The following ARPP21 variants were observed in gnomAD, a reference collection of about 807,000 sequenced individuals.
The protein encoded by ARPP21 is cAMP-regulated phosphoprotein 21.
ARPP21 carries 69 observed loss-of-function variants against 113.2 expected under a neutral mutation model. That is an observed-to-expected ratio of 0.61 (90% CI 0.50 to 0.74). The LOEUF is 0.74. ARPP21 is among the 30% of genes least tolerant of loss of function. ARPP21 has a pLI of 0.00. For missense variants in ARPP21, 1,070 were observed against 1,037.4 expected (o/e 1.03, Z -0.43); for synonymous variants, 368 against 375.5 (o/e 0.98, Z 0.23).
chr3:35,785,173 T>A (rs2096603423), intron 19 of ARPP21: 1 of 152,212 alleles, frequency 6.6e-6, no homozygotes, highest in Non-Finnish European at 1.5e-5. Context: ...AGTAGTTTGC[T>A]GCCTCCCAGC....
intron 11 of ARPP21, among the ~76,000 whole-genome samples, chr3:35,712,094 A>T (rs566207757): frequency 6.6e-6 from 1 of 152,304 alleles, no homozygotes; most frequent in East Asian, 1.9e-4. Context: ...ACCCTCATCT[A>T]GTACTTCCAG....
intron 12 of ARPP21, 66 bp from the exon 13 acceptor site, chr3:35,717,232 A>G (rs2092535514): frequency 1.1e-6 from 1 of 876,226 alleles, no homozygotes; most frequent in Non-Finnish European, 2.0e-6. Context: ...GTACACATCC[A>G]TGTAAACACA....
chr3:35,754,685 G>A (rs918344000), intron 19 of ARPP21, among the ~76,000 whole-genome samples: 3 of 151,768 alleles, frequency 2.0e-5, no homozygotes, highest in Non-Finnish European at 4.4e-5. Flanking sequence ...TCCCAAAAAC[G>A]GTATAGATGG....
intron 19 of ARPP21, among the ~76,000 whole-genome samples, chr3:35,763,715 G>A (rs2095858408): frequency 6.6e-6 from 1 of 152,152 alleles, no homozygotes; most frequent in Non-Finnish European, 1.5e-5. Flanking sequence ...CGGCAGTTTA[G>A]ATGTCTGGGT....
chr3:35,667,963 GAAGAAGAAGAAGAA>G (rs2075105818), intron 1 of ARPP21, among the ~76,000 whole-genome samples: 2 of 84,248 alleles, frequency 2.4e-5, no homozygotes, highest in African/African-American at 9.3e-5. Flanking sequence ...AGAAGAAGAA[GAAGAAGAAGAAGAA>G]GAAGAAGAAG....
At chr3:35,778,980 T>A (rs904577822) in intron 19 of ARPP21, among the ~76,000 whole-genome samples, 1 of 152,360 alleles carries the variant, frequency 6.6e-6, no homozygotes, top group Admixed American at 6.5e-5. Flanking sequence ...ACTACTAATA[T>A]GTATTTCTAA....
At position 35,644,531 on chromosome 3, in the gene ARPP21, T is replaced by C. The variant is rs533106798; in HGVS notation, c.-213+4133T>C. On this transcript the variant is annotated intron_variant, in intron 1 of 20. Coordinates refer to ENST00000684406, the MANE Select transcript of ARPP21 (RefSeq NM_001385562.1). ...CTCAAAATCTGTGGTCTGAAGATAT[T>C]TTCTTTAGGCATGACATGCTCATAT... Among the ~76,000 whole-genome samples, 3 of 152,096 alleles carry C rather than the reference T, an allele frequency of 2.0e-5. No individual in the cohort carries two copies. The East Asian group carries it at 5.8e-4, about 29-fold the overall frequency.
At chr3:35,788,148 T>A (rs948161547) in intron 19 of ARPP21, among the ~76,000 whole-genome samples, 1 of 152,158 alleles carries the variant, frequency 6.6e-6, no homozygotes, top group Non-Finnish European at 1.5e-5. Context: ...TACTGTAAAG[T>A]GGCAAAATGC....
chr3:35,707,500 G>A (rs1002280797), intron 10 of ARPP21: 8 of 461,372 alleles, frequency 1.7e-5, no homozygotes, highest in East Asian at 1.4e-4. Context: ...AATACGGACC[G>A]ATGATCAACC....
intron 19 of ARPP21, 77 bp downstream of exon 19, chr3:35,744,042 G>A (rs2094852311): frequency 6.7e-7 from 1 of 1,497,300 alleles, no homozygotes; most frequent in South Asian, 1.2e-5. Context: ...TTGGATGAGT[G>A]TCCAAGCTTG....
chr3:35,754,535 T>C (rs572477658), intron 19 of ARPP21, among the ~76,000 whole-genome samples: 1 of 152,124 alleles, frequency 6.6e-6, no homozygotes, highest in South Asian at 2.1e-4. Flanking sequence ...TGTTCATGTG[T>C]TTCTTTCATT....
intron 5 of ARPP21, chr3:35,684,152 A>T (rs945752739): frequency 7.1e-7 from 1 of 1,418,398 alleles, no homozygotes; most frequent in Non-Finnish European, 9.3e-7. Context: ...ATATAATCCC[A>T]AGTATCCTCT....
At chr3:35,750,404 A>G (rs1291274917) in intron 19 of ARPP21, among the ~76,000 whole-genome samples, 1 of 151,864 alleles carries the variant, frequency 6.6e-6, no homozygotes, top group Non-Finnish European at 1.5e-5. Flanking sequence ...CTGATTCTTG[A>G]TTGATTCTGT....
intron 19 of ARPP21, among the ~76,000 whole-genome samples, chr3:35,785,423 G>A (rs2096609941): frequency 6.6e-6 from 1 of 152,052 alleles, no homozygotes; most frequent in Non-Finnish European, 1.5e-5. Flanking sequence ...ATTCAATGCT[G>A]GCTTCCCTTG....
At chr3:35,702,155 A>T (rs1194609693) in intron 9 of ARPP21, among the ~76,000 whole-genome samples, 1 of 151,736 alleles carries the variant, frequency 6.6e-6, no homozygotes, top group Non-Finnish European at 1.5e-5. Flanking sequence ...TACTCCTAGC[A>T]TTATTATTCT....
chr3:35,653,987 T>G (rs773604903), intron 1 of ARPP21, among the ~76,000 whole-genome samples: 8 of 151,904 alleles, frequency 5.3e-5, no homozygotes, highest in Non-Finnish European at 1.2e-4. Context: ...GATATATAAT[T>G]AAGTAAAAAA....
rs1480500324 is a variant in ARPP21, at chr3:35,729,198, A to G, written c.1226-105A>G. 6.7e-6 allele frequency: 5 copies of G among 746,658 alleles called. No individual in the cohort carries two copies. The African/African-American group carries it at 6.9e-5, about 10-fold the overall frequency. The allele number at this position is 746,658 out of a possible 1,614,324, so 46.3% of individuals were successfully genotyped here. A position where few individuals can be genotyped will look rare whatever the true frequency, so the allele number is the denominator to read the frequency against. On this transcript the variant is annotated intron_variant, in intron 14 of 20. Coordinates refer to ENST00000684406, the MANE Select transcript of ARPP21 (RefSeq NM_001385562.1). ...ATCTCATCCTACAGCATGCGTCTCA[A>G]ATTCTTTAATGATGTGTCGCAGAAA...
intron 1 of ARPP21, among the ~76,000 whole-genome samples, chr3:35,663,110 C>T (rs1484607489): frequency 6.6e-6 from 1 of 151,938 alleles, no homozygotes; most frequent in Non-Finnish European, 1.5e-5. Flanking sequence ...CATGTTGTAG[C>T]ATTTCTCATG....
intron 1 of ARPP21, among the ~76,000 whole-genome samples, chr3:35,659,982 G>A (rs1340977959): frequency 6.6e-6 from 1 of 152,100 alleles, no homozygotes; most frequent in Non-Finnish European, 1.5e-5. Context: ...AAGAGTCACA[G>A]GTGTGCATTG....
Sources: gnomAD v4.1 joint callset for allele counts (sites outside exome capture counted in the v4.1 genomes callset) on GRCh38, gnomAD v4.1.1 for gene constraint, MANE v1.5 for transcripts, NCBI Gene and HGNC (gene_info 2026-07-23, HGNC 2026-07-21) for gene names.